PDE9A: variants seen among roughly 807,000 people sequenced by gnomAD.
The protein encoded by PDE9A is phosphodiesterase 9A.
In PDE9A, 60 loss-of-function variants were observed where a neutral mutation model predicts 87.4. The ratio of observed to expected loss-of-function variants is 0.69; its 90% CI spans 0.56 to 0.85. The LOEUF (loss-of-function observed/expected upper bound fraction) is 0.85, where lower values mean the gene tolerates loss of function less well. Among genes scored for constraint, PDE9A ranks in the 40% least tolerant of loss-of-function variants. The pLI is 0.00. For synonymous variants in PDE9A, 272 were observed against 279.4 expected, an observed-to-expected ratio of 0.97 and a Z score of 0.27; for missense variants, 665 against 779.0, an observed-to-expected ratio of 0.85 and a Z score of 1.74.
At chr21:42,738,731 A>G (rs1030273092) in intron 7 of PDE9A, among the ~76,000 whole-genome samples, 1 of 152,108 alleles carries the variant, frequency 6.6e-6, no homozygotes, top group Non-Finnish European at 1.5e-5. Flanking sequence ...ACTTTAATGC[A>G]GTGGAGTGCA....
chr21:42,739,434 C>T lies in PDE9A; in HGVS notation c.569-4342C>T, dbSNP rs1464255859. On this transcript the variant is annotated intron_variant, in intron 7 of 19. Coordinates refer to ENST00000291539, the MANE Select transcript of PDE9A (RefSeq NM_002606.3). The surrounding 1 kb of genome is among the most constrained non-coding windows in gnomAD (Gnocchi z 4.1). ...CCAGGGAGTGAGGAGGCAGGACCCCCGGGGACACAGGCACACACATCCACC... is the reference window on the plus strand; with the variant it reads ...CCAGGGAGTGAGGAGGCAGGACCCCTGGGGACACAGGCACACACATCCACC... 6.6e-6 allele frequency among the ~76,000 whole-genome samples: 1 copy of T among 152,194 alleles called. No individual in the cohort carries two copies. The highest frequency in any genetic ancestry group is 2.1e-4 in the South Asian group (1 of 4,834).
chr21:42,664,330 C>T (rs537490172), intron 1 of PDE9A, among the ~76,000 whole-genome samples: 21 of 152,344 alleles, frequency 1.4e-4, no homozygotes, highest in East Asian at 7.7e-4. Flanking sequence ...GGCACAGGGA[C>T]GTGCCACCTG....
chr21:42,717,655 G>A (rs933295597), intron 4 of PDE9A, among the ~76,000 whole-genome samples: 2 of 151,398 alleles, frequency 1.3e-5, no homozygotes, highest in Admixed American at 6.6e-5. Context: ...GCCTCCCAAA[G>A]TGCTGGGATT....
At chr21:42,703,467 C>T (rs1339293529) in intron 4 of PDE9A, among the ~76,000 whole-genome samples, 4 of 152,246 alleles carry the variant, frequency 2.6e-5, no homozygotes, top group African/African-American at 7.2e-5. Context: ...GAGGCAAAGG[C>T]TGGCCGGGTG....
At position 42,659,013 on chromosome 21, in the gene PDE9A, G is replaced by C. The variant is rs116728252; in HGVS notation, c.69+5130G>C. On this transcript the variant is annotated intron_variant, in intron 1 of 19. Transcript: ENST00000291539. This position sits in a 1 kb window ranked among gnomAD's most constrained non-coding sequence, Gnocchi z 4.1. Reference sequence around the variant, plus strand: ...AATTGAAGCTGGGCTGTGAAAAGTAGTAAGAACCCTCGGTTTTTGGTTCCT... The same window carrying C: ...AATTGAAGCTGGGCTGTGAAAAGTACTAAGAACCCTCGGTTTTTGGTTCCT... Among the ~76,000 whole-genome samples, 2 of 152,174 alleles carry C rather than the reference G, an allele frequency of 1.3e-5. No individual in the cohort carries two copies. Among genetic ancestry groups the C allele is most frequent in the Non-Finnish European group, 2.9e-5 (2 of 68,044 alleles).
chr21:42,720,179 G>A (rs775471476), intron 4 of PDE9A, among the ~76,000 whole-genome samples: 8 of 152,094 alleles, frequency 5.3e-5, no homozygotes, highest in African/African-American at 1.4e-4. Context: ...TCGGTTATTC[G>A]TACCCACACC....
intron 8 of PDE9A, among the ~76,000 whole-genome samples, chr21:42,747,142 A>T (rs1229933047): frequency 6.6e-6 from 1 of 152,218 alleles, no homozygotes; most frequent in Non-Finnish European, 1.5e-5. Flanking sequence ...TCTATGTAGA[A>T]AGGAACTCAG....
chr21:42,745,228 C>T (rs538158007), intron 8 of PDE9A, among the ~76,000 whole-genome samples: 1 of 152,134 alleles, frequency 6.6e-6, no homozygotes, highest in Non-Finnish European at 1.5e-5. Context: ...GGCCTGGCCT[C>T]GGGGTGGGCG....
intron 8 of PDE9A, among the ~76,000 whole-genome samples, chr21:42,750,573 CT>C (rs34377795): frequency 0.016 from 2,378 of 147,146 alleles, 56 homozygotes; most frequent in African/African-American, 0.054. Context: ...ACTTTTTTTT[CT>C]TTTTTTTTTG....
At chr21:42,769,478 GTACACAT>G (rs1183468579) in intron 17 of PDE9A, among the ~76,000 whole-genome samples, 5 of 8,136 alleles carry the variant, frequency 6.1e-4, no homozygotes, top group Non-Finnish European at 1.8e-3. Context: ...GTGCATGCAG[GTACACAT>G]GCACACAAGG....
chr21:42,686,809 C>T (rs1035451781), intron 2 of PDE9A, among the ~76,000 whole-genome samples: 1 of 151,910 alleles, frequency 6.6e-6, no homozygotes, highest in Admixed American at 6.6e-5. Context: ...AGCGAGACTC[C>T]GCCTCAAAAT....
Position 42,705,485 on chromosome 21 carries a change from T to C in PDE9A, c.262+6474T>C, listed in dbSNP as rs1195381023. On this transcript the variant is annotated intron_variant, in intron 4 of 19. Transcript: ENST00000291539. The surrounding 1 kb of genome is among the most constrained non-coding windows in gnomAD (Gnocchi z 4.3). ...GGAGATGCCTGTGATGAGGATTGGG[T>C]GCTGTGATCACAGCACGCGGGAAAA... Among the ~76,000 whole-genome samples the C allele has an allele frequency of 6.7e-6, 1 of 149,584 alleles. No individual in the cohort carries two copies. Among genetic ancestry groups the C allele is most frequent in the Non-Finnish European group, 1.5e-5 (1 of 66,380 alleles).
chr21:42,688,556 G>C (rs1418421383), intron 3 of PDE9A, among the ~76,000 whole-genome samples: 1 of 152,194 alleles, frequency 6.6e-6, no homozygotes, highest in Non-Finnish European at 1.5e-5. Context: ...CGGAGCAGGG[G>C]CCCTCAGGTC....
At chr21:42,751,031 G>C in intron 8 of PDE9A, 85 bp from the exon 9 acceptor site, 2 of 889,898 alleles carry the variant, frequency 2.2e-6, no homozygotes, top group Non-Finnish European at 3.8e-6. Context: ...TTGGGGGTTG[G>C]GTTTGTCGCT....
intron 17 of PDE9A, among the ~76,000 whole-genome samples, chr21:42,769,406 C>CA (rs1010731256): frequency 4.3e-4 from 63 of 145,370 alleles, no homozygotes; most frequent in African/African-American, 1.4e-3. Context: ...TGCACACACA[C>CA]GGCACACACA....
chr21:42,669,003 C>T (rs930750058), intron 1 of PDE9A, among the ~76,000 whole-genome samples: 1 of 151,964 alleles, frequency 6.6e-6, no homozygotes, highest in African/African-American at 2.4e-5. Flanking sequence ...TCACCATCCC[C>T]TCCTGAAGTT....
chr21:42,735,249 C>T (rs1265082214), intron 7 of PDE9A, among the ~76,000 whole-genome samples: 1 of 152,184 alleles, frequency 6.6e-6, no homozygotes, highest in Non-Finnish European at 1.5e-5. Flanking sequence ...CTAGGTCCCC[C>T]GGAGGCTCCA....
chr21:42,767,211 G>A (rs1480080265), intron 15 of PDE9A, among the ~76,000 whole-genome samples: 1 of 152,148 alleles, frequency 6.6e-6, no homozygotes, highest in East Asian at 1.9e-4. Context: ...GGAGGCCTCT[G>A]AGGATAGTGC....
At chr21:42,671,658 T>C (rs541975577) in intron 1 of PDE9A, among the ~76,000 whole-genome samples, 3 of 152,198 alleles carry the variant, frequency 2.0e-5, no homozygotes, top group African/African-American at 7.2e-5. Flanking sequence ...TTGATATAGA[T>C]TGATTGACAG....
Sources: gnomAD v4.1 joint callset for allele counts (sites outside exome capture counted in the v4.1 genomes callset) on GRCh38, gnomAD v4.1.1 for gene constraint, Gnocchi (gnomAD v3.1) non-coding constraint, MANE v1.5 for transcripts, NCBI Gene and HGNC (gene_info 2026-07-23, HGNC 2026-07-21) for gene names.